The following PRRC2A variants were observed in gnomAD, a reference collection of about 807,000 sequenced individuals.
PRRC2A encodes the protein protein PRRC2A.
A neutral mutation model predicts 224.6 loss-of-function variants in PRRC2A; 59 were observed. That is an observed-to-expected ratio of 0.26 (90% CI 0.21 to 0.33). The LOEUF (loss-of-function observed/expected upper bound fraction) is 0.33. Among genes scored for constraint, PRRC2A ranks in the 10% least tolerant of loss-of-function variants. The pLI, the probability that PRRC2A is intolerant of heterozygous loss-of-function variation, is 1.00. For synonymous variants in PRRC2A, 1,194 were observed against 1,109.5 expected (o/e 1.08, Z -1.51); for missense variants, 3,095 against 2,880.7 (o/e 1.07, Z -1.70).
chr6:31,631,381 C>T lies in PRRC2A; in HGVS notation c.2708C>T (p.Ala903Val). The T allele has an allele frequency of 1.2e-6, 2 of 1,605,404 alleles. No homozygotes were observed. Among genetic ancestry groups the T allele is most frequent in the Non-Finnish European group, 1.7e-6 (2 of 1,176,948 alleles). The change falls in exon 16 of 31, where the codon GCC becomes GTC. Residue 903 changes from alanine to valine, a missense_variant. Around this residue, in one of 8 missense-constraint regions of PRRC2A, gnomAD observed 2,001 missense variants for 1,764.9 expected, o/e 1.13. Coordinates refer to ENST00000376033, the MANE Select transcript of PRRC2A (RefSeq NM_004638.4). The surrounding 1 kb of genome is among the most constrained non-coding windows in gnomAD (Gnocchi z 4.5). ...GGGCCAGAAGCAGGCCGAAAGCCTG[C>T]CCGCGGAGTCGGGAGTGGAGGCCAG... ...LTGPEAGRKP[A>V]RGVGSGGQGP... is the part of the protein sequence containing the mutation.
chr6:31,629,956 T>C, intron 14 of PRRC2A, 111 bp downstream of exon 14: 1 of 1,509,306 alleles, frequency 6.6e-7, no homozygotes, highest in Non-Finnish European at 8.9e-7. Flanking sequence ...ATCATAGTGA[T>C]GAGGGAAGGG....
rs1276285420 is a variant in PRRC2A at position 31,625,866 on chromosome 6, G to T, written c.834G>T (p.Gly278=). The stretch of plus-strand genomic sequence containing the variant: ...CTTACCGATACCCCACTCCTGATGG[G>T]CCCAGGTGAGCAATCCAGGTCTGGG... ...QGPYRYPTPD[G]PSRFPRVAGP... The change falls in exon 8 of 31, where the codon GGG becomes GGT. Residue 278 remains glycine, a synonymous_variant. Transcript: ENST00000376033. The surrounding 1 kb of genome is among the most constrained non-coding windows in gnomAD (Gnocchi z 4.1). 6.3e-7 allele frequency: 1 copy of T among 1,585,470 alleles called. No individual in the cohort carries two copies. Among genetic ancestry groups the T allele is most frequent in the South Asian group, 1.1e-5 (1 of 90,474 alleles).
chr6:31,636,151 A>C lies in PRRC2A; in HGVS notation c.5625-58A>C. Reference sequence around the variant, plus strand: ...TAGGGTACTAGAAGCTAGTGGACTTAAGGCATTGCTAGGACTCTGGCTTCC... The same window carrying C: ...TAGGGTACTAGAAGCTAGTGGACTTCAGGCATTGCTAGGACTCTGGCTTCC... On this transcript the variant is annotated intron_variant, in intron 25 of 30. Coordinates refer to ENST00000376033, the MANE Select transcript of PRRC2A (RefSeq NM_004638.4). This position sits in a 1 kb window ranked among gnomAD's most constrained non-coding sequence, Gnocchi z 4.3. The C allele has an allele frequency of 6.4e-7, 1 of 1,570,496 alleles. No homozygotes were observed.
chr6:31,631,306 C>G lies in PRRC2A; in HGVS notation c.2633C>G (p.Thr878Ser). 6.2e-7 allele frequency: 1 copy of G among 1,609,790 alleles called. No individual in the cohort carries two copies. Among genetic ancestry groups the G allele is most frequent in the Non-Finnish European group, 8.5e-7 (1 of 1,178,756 alleles). The change falls in exon 16 of 31, where the codon ACT (threonine) becomes AGT (serine). Residue 878 changes from threonine to serine, a missense_variant. Transcript: ENST00000376033. The surrounding 1 kb of genome is among the most constrained non-coding windows in gnomAD (Gnocchi z 4.5). ...PGSDEVAKIQ[T>S]PPPKKEPPKE... ...AGTGATGAAGTGGCCAAGATACAAA[C>G]TCCACCACCCAAGAAGGAGCCCCCT...
intron 17 of PRRC2A, 51 bp downstream of exon 17, chr6:31,633,698 A>C (rs1389614003): frequency 6.4e-7 from 1 of 1,567,584 alleles, no homozygotes; most frequent in Admixed American, 1.8e-5. Context: ...AGAGAAGGTC[A>C]AGTGCTGGAG....
At chr6:31,628,499 G>C (rs1280270563) in intron 12 of PRRC2A, 1 of 593,598 alleles carries the variant, frequency 1.7e-6, no homozygotes, top group East Asian at 3.1e-5. Flanking sequence ...GAGGCTTGGG[G>C]TGGAGGATCG....
rs1417159962 is a variant in PRRC2A at position 31,631,557 on chromosome 6, G to A, written c.2884G>A (p.Glu962Lys). ...IKKPPPPTKVEELPPKPLEQG... is the reference protein window; with the variant it reads ...IKKPPPPTKVKELPPKPLEQG... ...GAAACCTCCACCACCTACAAAAGTA[G>A]AAGAGCTGCCTCCCAAGCCCCTCGA... Residue 962 changes from glutamate (E) to lysine (K), a missense_variant, in exon 16 of 31, where the codon GAA (glutamate) becomes AAA (lysine). This residue lies in a region of PRRC2A where 2,001 missense variants were observed against 1,764.9 expected (regional missense o/e 1.13). Coordinates refer to ENST00000376033, the MANE Select transcript of PRRC2A (RefSeq NM_004638.4). The surrounding 1 kb of genome is among the most constrained non-coding windows in gnomAD (Gnocchi z 4.5). 3.8e-6 allele frequency: 6 copies of A among 1,592,856 alleles called. No individual in the cohort carries two copies. The highest frequency in any genetic ancestry group is 4.3e-6 in the Non-Finnish European group (5 of 1,172,910).
chr6:31,631,026 A>G lies in PRRC2A; in HGVS notation c.2466-113A>G. ...GGCAACTGGATGCCATCTCTGCCAA[A>G]ACAAACAGAAAAATAGTAAAAGAGA... On this transcript the variant is annotated intron_variant, in intron 15 of 30. Transcript: ENST00000376033. This position sits in a 1 kb window ranked among gnomAD's most constrained non-coding sequence, Gnocchi z 4.5. 3.1e-6 allele frequency: 4 copies of G among 1,307,550 alleles called. No homozygotes were observed. Among genetic ancestry groups the G allele is most frequent in the Admixed American group, 4.6e-5 (2 of 43,368 alleles). 81.0% of individuals were successfully genotyped at this position (1,307,550 alleles called of 1,614,324 possible). A position where few individuals can be genotyped will look rare whatever the true frequency, so the allele number is the denominator to read the frequency against.
In PRRC2A at chr6:31,631,065, T is replaced by TA. The variant is rs1776496477; in HGVS notation, c.2466-71dup. The TA allele has an allele frequency of 1.5e-6, 2 of 1,372,654 alleles. No homozygotes were observed. The highest frequency in any genetic ancestry group is 2.3e-5 in the Admixed American group (1 of 43,382). 85.0% of individuals were successfully genotyped at this position (1,372,654 alleles called of 1,614,324 possible). On this transcript the variant is annotated intron_variant, in intron 15 of 30. Coordinates refer to ENST00000376033, the MANE Select transcript of PRRC2A (RefSeq NM_004638.4). This position sits in a 1 kb window ranked among gnomAD's most constrained non-coding sequence, Gnocchi z 4.5. ...TAGTAAAAGAGAGTCTGCATCATAA[T>TA]AAAGTGTTCTTTTCCCACCTAGTTC... is the stretch of plus-strand genomic sequence containing the variant.
In PRRC2A at chr6:31,633,012, TTTA is replaced by T; in HGVS notation, c.4319+23_4319+25del. 1.3e-6 allele frequency: 2 copies of T among 1,492,312 alleles called. No homozygotes were observed. The highest frequency in any genetic ancestry group is 1.8e-6 in the Non-Finnish European group (2 of 1,123,314). The allele number at this position is 1,492,312 out of a possible 1,614,324, so 92.4% of individuals were successfully genotyped here. On this transcript the variant is annotated intron_variant, in intron 16 of 30. Coordinates refer to ENST00000376033, the MANE Select transcript of PRRC2A (RefSeq NM_004638.4). ...CCGAAGGTGGGTAGGAACAAACAAA[TTTA>T]TTGTGGTTTAAAAATTGGAGGAGGG...
rs151193462 is a variant in PRRC2A at position 31,637,491 on chromosome 6, C to T, written c.6379C>T (p.Arg2127Trp). Residue 2127 changes from arginine to tryptophan, a missense_variant, in exon 31 of 31, where the codon CGG becomes TGG. Arg to Trp is a moderately radical substitution (Grantham distance 101). This residue lies in a region of PRRC2A where 662 missense variants were observed against 609.5 expected (regional missense o/e 1.09). Coordinates refer to ENST00000376033, the MANE Select transcript of PRRC2A (RefSeq NM_004638.4). ...ALRWIPKPWE[R>W]TGPPPREGPS... is the part of the protein sequence containing the mutation. ...GCGCTGGATACCTAAGCCTTGGGAG[C>T]GGACAGGGCCGCCACCTCGAGAAGG... The T allele has an allele frequency of 2.4e-5, 38 of 1,570,674 alleles. No individual in the cohort carries two copies. The African/African-American group carries it at 2.9e-4, about 12-fold the overall frequency.
At chr6:31,635,067 C>G in intron 21 of PRRC2A, 65 bp from the exon 22 acceptor site, 1 of 1,601,026 alleles carries the variant, frequency 6.2e-7, no homozygotes, top group Non-Finnish European at 8.5e-7. Flanking sequence ...CGTGTGTGTT[C>G]TGGGCATTCC....
chr6:31,623,074 A>T, intron 2 of PRRC2A, 173 bp downstream of exon 2: 1 of 766,448 alleles, frequency 1.3e-6, no homozygotes, highest in Non-Finnish European at 2.4e-6. Flanking sequence ...GGTGAACACC[A>T]GTTATCCTCC....
chr6:31,623,163 G>A (rs1469500474), intron 2 of PRRC2A: 2 of 728,956 alleles, frequency 2.7e-6, no homozygotes, highest in South Asian at 1.4e-5. Context: ...GGGAAACTTT[G>A]AGGCCAGCTT....
Position 31,624,009 on chromosome 6 carries a change from C to T in PRRC2A, c.290+100C>T, listed in dbSNP as rs1164523394. Reference sequence around the variant, plus strand: ...AGTCCAGCCACGTCTGAGCCAGAGACGAAGAGGTCCCTTTCTTACCTATTG... The same window carrying T: ...AGTCCAGCCACGTCTGAGCCAGAGATGAAGAGGTCCCTTTCTTACCTATTG... On this transcript the variant is annotated intron_variant, in intron 3 of 30. Transcript: ENST00000376033. 1.2e-5 allele frequency: 17 copies of T among 1,392,508 alleles called. No homozygotes were observed. The Admixed American group carries it at 1.4e-4, about 11-fold the overall frequency. The allele number at this position is 1,392,508 out of a possible 1,614,324, so 86.3% of individuals were successfully genotyped here. A position where few individuals can be genotyped will look rare whatever the true frequency, so the allele number is the denominator to read the frequency against.
At chr6:31,623,259 AT>A (rs3993756) in intron 2 of PRRC2A, 14,063 of 315,304 alleles carry the variant, frequency 0.045, 26 homozygotes, top group South Asian at 0.081. Flanking sequence ...GATTTCATAG[AT>A]TTTTTTTTTT....
chr6:31,634,651 C>T (rs1012254785), intron 20 of PRRC2A, 94 bp downstream of exon 20: 81 of 1,572,106 alleles, frequency 5.2e-5, no homozygotes, highest in Non-Finnish European at 6.4e-5. Context: ...GAGCTGTTCT[C>T]TCACTTGGCT....
rs753750251 is a variant in PRRC2A at position 31,635,381 on chromosome 6, C to G, written c.5302-13C>G. 6 of 1,614,098 alleles carry G rather than the reference C, an allele frequency of 3.7e-6. No individual in the cohort carries two copies. The African/African-American group carries it at 8.0e-5, about 22-fold the overall frequency. On this transcript the variant is annotated splice_polypyrimidine_tract_variant and intron_variant, in intron 22 of 30. Transcript: ENST00000376033. ...GTCACGGGACAATGTCTCCTGCCTT[C>G]TTGTGATCACAGGACTCAGACTTAC...
Position 31,624,613 on chromosome 6 carries a change from T to A in PRRC2A, c.463+91T>A, listed in dbSNP as rs1775686569. Reference sequence around the variant, plus strand: ...ATTTTCAGCCAAGTGACCTTGGTCCTCTTTGGCTAAATCAAGGACCACCCA... The same window carrying A: ...ATTTTCAGCCAAGTGACCTTGGTCCACTTTGGCTAAATCAAGGACCACCCA... On this transcript the variant is annotated intron_variant, in intron 5 of 30. Transcript: ENST00000376033. The A allele has an allele frequency of 5.0e-6, 7 of 1,413,200 alleles. No individual in the cohort carries two copies. In the East Asian group the frequency reaches 1.6e-4, roughly 33 times the overall value. 87.5% of individuals were successfully genotyped at this position (1,413,200 alleles called of 1,614,324 possible).
Sources: gnomAD v4.1 joint callset for allele counts on GRCh38, gnomAD v4.1.1 for gene constraint, gnomAD v4.1.1 regional missense constraint, Gnocchi (gnomAD v3.1) non-coding constraint, MANE v1.5 for transcripts, NCBI Gene and HGNC (gene_info 2026-07-23, HGNC 2026-07-21) for gene names.